PRTG: variants seen among roughly 807,000 people sequenced by gnomAD.
The protein encoded by PRTG is immunoglobulin superfamily, DCC subclass, member 5.
In PRTG, 67 loss-of-function variants were observed where a neutral mutation model predicts 122.5. The ratio of observed to expected loss-of-function variants is 0.55; its 90% CI spans 0.45 to 0.67. The LOEUF (loss-of-function observed/expected upper bound fraction) is 0.67. PRTG is among the 30% of genes least tolerant of loss of function. PRTG has a pLI of 0.00. For missense variants in PRTG, 1,435 were observed against 1,415.4 expected, an observed-to-expected ratio of 1.01 and a Z score of -0.22; for synonymous variants, 554 against 501.1, an observed-to-expected ratio of 1.11 and a Z score of -1.41.
At chr15:55,656,245 T>A (rs190937804) in intron 11 of PRTG, 5 of 431,802 alleles carry the variant, frequency 1.2e-5, no homozygotes, top group East Asian at 1.4e-4. Flanking sequence ...CATCTAGAAC[T>A]GTCTCCTGCT....
At chr15:55,707,042 C>T (rs943701187) in intron 2 of PRTG, among the ~76,000 whole-genome samples, 1 of 152,184 alleles carries the variant, frequency 6.6e-6, no homozygotes, top group African/African-American at 2.4e-5. Flanking sequence ...TTGAGAAGCA[C>T]TACTCTAAGT....
At chr15:55,674,456 T>G (rs1595639226) in intron 9 of PRTG, among the ~76,000 whole-genome samples, 1 of 152,304 alleles carries the variant, frequency 6.6e-6, no homozygotes, top group East Asian at 1.9e-4. Context: ...AAATCTATCT[T>G]TATTAGCCTG....
intron 2 of PRTG, among the ~76,000 whole-genome samples, chr15:55,708,162 A>C (rs1211009365): frequency 5.2e-5 from 5 of 95,960 alleles, no homozygotes; most frequent in African/African-American, 7.1e-5. Flanking sequence ...AAAAAAAAAA[A>C]AAAAAAAAAA....
rs941820504 is a variant in PRTG at position 55,675,650 on chromosome 15, C to T, written c.1415G>A (p.Gly472Glu). 6.3e-7 allele frequency: 1 copy of T among 1,586,502 alleles called. No individual in the cohort carries two copies. Among genetic ancestry groups the T allele is most frequent in the African/African-American group, 1.3e-5 (1 of 74,326 alleles). The change falls in exon 9 of 20, where the codon GGA becomes GAA. Residue 472 changes from glycine to glutamate, a missense_variant. Transcript: ENST00000389286. Reference protein sequence around the residue: ...LNNEEYQVVIGNDTTHYIIDD... With the variant: ...LNNEEYQVVIENDTTHYIIDD... ...AATAATATAATGAGTTGTGTCATTT[C>T]CGATGACTACTTGATACTCTTCATT...
intron 11 of PRTG, among the ~76,000 whole-genome samples, chr15:55,650,659 C>CT (rs1245752898): frequency 1.3e-5 from 2 of 152,024 alleles, no homozygotes; most frequent in East Asian, 3.9e-4. Flanking sequence ...AGAGAAGAGA[C>CT]TAAGGAGTAA....
At chr15:55,653,539 C>A (rs566207597) in intron 11 of PRTG, among the ~76,000 whole-genome samples, 1 of 151,880 alleles carries the variant, frequency 6.6e-6, no homozygotes, top group Non-Finnish European at 1.5e-5. Flanking sequence ...TCTCGGCTCA[C>A]TGCAACCTCT....
At chr15:55,738,828 A>G (rs11071204) in intron 2 of PRTG, among the ~76,000 whole-genome samples, 86,924 of 144,866 alleles carry the variant, frequency 0.6, 27,764 homozygotes, top group East Asian at 0.95. Context: ...AGGGAGAGAA[A>G]CAAGGAGGGA....
chr15:55,736,152 G>A (rs1239729008), intron 2 of PRTG, among the ~76,000 whole-genome samples: 3 of 152,086 alleles, frequency 2.0e-5, no homozygotes, highest in African/African-American at 7.2e-5. Flanking sequence ...TTTTACTCAT[G>A]TTTTAGCATT....
At chr15:55,738,665 C>A in intron 2 of PRTG, 1 of 445,800 alleles carries the variant, frequency 2.2e-6, no homozygotes, top group Non-Finnish European at 4.0e-6. Flanking sequence ...CAGTACTATA[C>A]AGAAAAACCA....
At chr15:55,663,440 C>A (rs2059420598) in intron 11 of PRTG, among the ~76,000 whole-genome samples, 1 of 152,216 alleles carries the variant, frequency 6.6e-6, no homozygotes. Context: ...AGAACAATTT[C>A]ATCACATCCA....
intron 11 of PRTG, among the ~76,000 whole-genome samples, chr15:55,667,602 G>A (rs2141784452): frequency 6.6e-6 from 1 of 152,082 alleles, no homozygotes; most frequent in South Asian, 2.1e-4. Context: ...CAAAAGAAAG[G>A]GTAACTTAAA....
chr15:55,737,689 T>A (rs1398543804), intron 2 of PRTG, among the ~76,000 whole-genome samples: 2 of 152,162 alleles, frequency 1.3e-5, no homozygotes, highest in African/African-American at 4.8e-5. Context: ...TACACATGAA[T>A]AATGGAATTC....
At position 55,619,954 on chromosome 15, in the gene PRTG, A is replaced by T; in HGVS notation, c.*58T>A. 2 of 1,598,362 alleles carry T rather than the reference A, an allele frequency of 1.3e-6. No homozygotes were observed. The highest frequency in any genetic ancestry group is 1.7e-6 in the Non-Finnish European group (2 of 1,172,070). On this transcript the variant is annotated 3_prime_UTR_variant, in exon 20 of 20. Coordinates refer to ENST00000389286, the MANE Select transcript of PRTG (RefSeq NM_173814.6). ...TCTGCTCACTAACAGATGACACAGC[A>T]GGGTCTTCACACTTCCTCAATGCGG...
intron 15 of PRTG, among the ~76,000 whole-genome samples, chr15:55,629,823 T>A (rs1322344837): frequency 6.6e-6 from 1 of 150,754 alleles, no homozygotes; most frequent in East Asian, 1.9e-4. Context: ...GGTCTAATTT[T>A]TTTTTTTTTT....
chr15:55,726,518 G>C (rs145802430), intron 2 of PRTG, among the ~76,000 whole-genome samples: 1 of 152,058 alleles, frequency 6.6e-6, no homozygotes, highest in Non-Finnish European at 1.5e-5. Flanking sequence ...TGTCATGAGA[G>C]ACAAAGGAGC....
chr15:55,674,280 A>G (rs990864324), intron 9 of PRTG, among the ~76,000 whole-genome samples: 3 of 152,214 alleles, frequency 2.0e-5, no homozygotes, highest in Non-Finnish European at 2.9e-5. Context: ...ACCTTGTTCT[A>G]CCATGTACGA....
At chr15:55,632,456 G>A (rs1056589252) in intron 15 of PRTG, among the ~76,000 whole-genome samples, 2 of 152,094 alleles carry the variant, frequency 1.3e-5, no homozygotes, top group African/African-American at 2.4e-5. Context: ...CTTTCTCAAC[G>A]TAAACCTAAT....
intron 2 of PRTG, among the ~76,000 whole-genome samples, chr15:55,724,999 C>CACT (rs2030972439): frequency 6.6e-6 from 1 of 152,164 alleles, no homozygotes; most frequent in South Asian, 2.1e-4. Context: ...TGGTAAATGT[C>CACT]ACTATGTAGG....
intron 11 of PRTG, among the ~76,000 whole-genome samples, chr15:55,650,253 G>T (rs946246692): frequency 2.6e-5 from 4 of 152,132 alleles, no homozygotes; most frequent in Admixed American, 2.0e-4. Flanking sequence ...ACAAAAAAGG[G>T]TAAATATAAG....
Sources: allele counts gnomAD v4.1 joint callset (sites outside exome capture counted in the v4.1 genomes callset), GRCh38; gene constraint gnomAD v4.1.1; transcripts MANE v1.5; gene names NCBI Gene and HGNC (gene_info 2026-07-23, HGNC 2026-07-21).